BACH1: variants seen among roughly 807,000 people sequenced by gnomAD.
BACH1 encodes the protein transcription regulator protein BACH1.
A neutral mutation model predicts 52.9 loss-of-function variants in BACH1; 35 were observed. The observed-to-expected ratio is 0.66, with a 90% CI of 0.51 to 0.88. The LOEUF is 0.88. Among genes scored for constraint, BACH1 ranks in the 40% least tolerant of loss-of-function variants. The pLI, the probability that BACH1 is intolerant of heterozygous loss-of-function variation, is 0.00. For missense variants in BACH1, 808 were observed against 872.6 expected, an observed-to-expected ratio of 0.93 and a Z score of 0.93; for synonymous variants, 321 against 319.6, an observed-to-expected ratio of 1.00 and a Z score of -0.05.
chr21:29,313,528 A>G (rs1410132479), intron 1 of BACH1, among the ~76,000 whole-genome samples: 1 of 152,274 alleles, frequency 6.6e-6, no homozygotes. Flanking sequence ...ATTCAGAACA[A>G]TGCAAGGGTA....
intron 1 of BACH1, among the ~76,000 whole-genome samples, chr21:29,320,163 A>G (rs2088831760): frequency 6.6e-6 from 1 of 152,172 alleles, no homozygotes; most frequent in Admixed American, 6.5e-5. Context: ...TCATTCACTG[A>G]CCATTTGAAG....
intron 1 of BACH1, among the ~76,000 whole-genome samples, chr21:29,320,877 T>C (rs1470718805): frequency 6.6e-6 from 1 of 152,154 alleles, no homozygotes; most frequent in Non-Finnish European, 1.5e-5. Flanking sequence ...CTCAACTGTC[T>C]CAAAACAATA....
At chr21:29,325,073 C>T (rs2088894391) in intron 2 of BACH1, among the ~76,000 whole-genome samples, 1 of 151,956 alleles carries the variant, frequency 6.6e-6, no homozygotes, top group Non-Finnish European at 1.5e-5. Flanking sequence ...ACTAAAAATA[C>T]AGAAAAATTA....
chr21:29,301,900 G>A (rs975003685), intron 1 of BACH1, among the ~76,000 whole-genome samples: 8 of 152,092 alleles, frequency 5.3e-5, no homozygotes, highest in African/African-American at 1.7e-4. Flanking sequence ...TGCTGGGGGC[G>A]GGTGGCGGCG....
At chr21:29,329,416 C>A in intron 3 of BACH1, 71 bp from the exon 4 acceptor site, 2 of 1,247,276 alleles carry the variant, frequency 1.6e-6, no homozygotes, top group South Asian at 2.0e-5. Context: ...AGATGTATAC[C>A]TTCATCTTCC....
At chr21:29,351,127 G>C (rs2089199705), downstream of BACH1, among the ~76,000 whole-genome samples, 1 of 152,114 alleles carries the variant, frequency 6.6e-6, no homozygotes, top group Non-Finnish European at 1.5e-5. Context: ...TTTTCATTCT[G>C]CACTCTTAGT....
chr21:29,339,131 A>G (rs2089080353), intron 4 of BACH1, among the ~76,000 whole-genome samples: 1 of 152,202 alleles, frequency 6.6e-6, no homozygotes, highest in Admixed American at 6.5e-5. Context: ...TCTAGGACAC[A>G]TTCCTAGAAG....
intron 4 of BACH1, among the ~76,000 whole-genome samples, chr21:29,335,144 G>A (rs879610678): frequency 2.2e-4 from 33 of 152,152 alleles, no homozygotes; most frequent in Non-Finnish European, 4.3e-4. Flanking sequence ...GAGGTCAGAC[G>A]GAGGCTTTGG....
intron 2 of BACH1, among the ~76,000 whole-genome samples, chr21:29,352,205 C>A (rs1196036877): frequency 1.3e-5 from 2 of 151,984 alleles, no homozygotes; most frequent in Non-Finnish European, 2.9e-5. Context: ...TAGGTGTGCA[C>A]CACCACACCT....
chr21:29,321,591 GCA>G (rs2088848986), intron 2 of BACH1, 77 bp downstream of exon 2: 2 of 1,332,520 alleles, frequency 1.5e-6, no homozygotes, highest in Non-Finnish European at 2.1e-6. Flanking sequence ...TGAAAATAAA[GCA>G]CAGTCTCCTT....
intron 1 of BACH1, among the ~76,000 whole-genome samples, chr21:29,319,970 G>A (rs747500769): frequency 6.6e-6 from 1 of 151,980 alleles, no homozygotes; most frequent in South Asian, 2.1e-4. Flanking sequence ...TTATATTCTC[G>A]TATGGGCCAA....
At chr21:29,318,567 G>C (rs1317311225) in intron 1 of BACH1, among the ~76,000 whole-genome samples, 3 of 152,200 alleles carry the variant, frequency 2.0e-5, no homozygotes, top group Admixed American at 6.5e-5. Context: ...CTGTAAGCTA[G>C]CTCTCAACCC....
At chr21:29,316,798 C>G (rs1399657860) in intron 1 of BACH1, among the ~76,000 whole-genome samples, 1 of 152,162 alleles carries the variant, frequency 6.6e-6, no homozygotes, top group Non-Finnish European at 1.5e-5. Context: ...AGTCCTTGCT[C>G]TTTTTTGGCC....
chr21:29,310,619 A>G (rs1281505701), intron 1 of BACH1, among the ~76,000 whole-genome samples: 2 of 152,240 alleles, frequency 1.3e-5, no homozygotes, highest in African/African-American at 4.8e-5. Context: ...GTGTTCACCT[A>G]GGGAGTGTGT....
intron 4 of BACH1, among the ~76,000 whole-genome samples, chr21:29,336,863 G>T (rs912419897): frequency 2.0e-5 from 3 of 151,948 alleles, no homozygotes; most frequent in African/African-American, 7.3e-5. Flanking sequence ...GAAGTGATGG[G>T]TTTTCATCGT....
At chr21:29,318,604 C>T (rs537747766) in intron 1 of BACH1, among the ~76,000 whole-genome samples, 139 of 152,162 alleles carry the variant, frequency 9.1e-4, no homozygotes, top group Non-Finnish European at 1.6e-3. Flanking sequence ...CTGAAAACTG[C>T]CTAAACAGAT....
At chr21:29,328,564 A>G (rs2088942973) in intron 3 of BACH1, among the ~76,000 whole-genome samples, 1 of 152,138 alleles carries the variant, frequency 6.6e-6, no homozygotes, top group Admixed American at 6.5e-5. Flanking sequence ...AGAATACTTA[A>G]CATGGGATCT....
chr21:29,325,186 C>T (rs537165294), intron 2 of BACH1, among the ~76,000 whole-genome samples: 105 of 151,968 alleles, frequency 6.9e-4, no homozygotes, highest in Middle Eastern at 3.4e-3. Context: ...GCCGAGATCG[C>T]GCCACTGCAC....
At chr21:29,355,077 T>TCC (rs2089225625) in intron 2 of BACH1, among the ~76,000 whole-genome samples, 1 of 152,210 alleles carries the variant, frequency 6.6e-6, no homozygotes, top group African/African-American at 2.4e-5. Flanking sequence ...GGGTTGCCCC[T>TCC]GCTGACTGGG....
Sources: gnomAD v4.1 joint callset for allele counts (sites outside exome capture counted in the v4.1 genomes callset) on GRCh38, gnomAD v4.1.1 for gene constraint, MANE v1.5 for transcripts, NCBI Gene and HGNC (gene_info 2026-07-23, HGNC 2026-07-21) for gene names.